Variants in DCBLD2 observed in about 807,000 individuals in gnomAD.
DCBLD2 encodes discoidin, CUB and LCCL domain containing 2, also known as discoidin, CUB and LCCL domain-containing protein 2.
DCBLD2 carries 54 observed loss-of-function variants against 86.8 expected under a neutral mutation model. The observed-to-expected ratio is 0.62, with a 90% confidence interval of 0.50 to 0.78. DCBLD2 has a LOEUF of 0.78. DCBLD2 is among the 30% of genes least tolerant of loss of function. The pLI is 0.00. For missense variants in DCBLD2, 908 were observed against 954.2 expected (o/e 0.95, Z 0.64); for synonymous variants, 354 against 341.3 (o/e 1.04, Z -0.41).
chr3:98,860,064 C>T (rs969696593), intron 2 of DCBLD2, among the ~76,000 whole-genome samples: 9 of 152,160 alleles, frequency 5.9e-5, no homozygotes, highest in Non-Finnish European at 8.8e-5. Context: ...GGCATGAGAA[C>T]TACGTGACGA....
intron 14 of DCBLD2, 137 bp from the exon 15 acceptor site, chr3:98,800,853 C>CTTTTTT (rs11374885): frequency 3.6e-6 from 3 of 842,932 alleles, no homozygotes; most frequent in Non-Finnish European, 3.5e-6. Context: ...TATAATCCAA[C>CTTTTTT]TTTTTTTTTT....
intron 3 of DCBLD2, among the ~76,000 whole-genome samples, chr3:98,836,931 C>T (rs1942473401): frequency 1.4e-5 from 1 of 70,590 alleles, no homozygotes; most frequent in Non-Finnish European, 2.9e-5. Context: ...CTGACCCCCC[C>T]ACCTCCCTCC....
At chr3:98,859,641 C>T (rs971798708) in intron 2 of DCBLD2, among the ~76,000 whole-genome samples, 20 of 152,154 alleles carry the variant, frequency 1.3e-4, no homozygotes. Flanking sequence ...CCAGAAAACT[C>T]CAACAGACCT....
intron 3 of DCBLD2, among the ~76,000 whole-genome samples, chr3:98,834,712 G>C (rs1305936532): frequency 1.3e-5 from 2 of 151,704 alleles, no homozygotes; most frequent in Non-Finnish European, 2.9e-5. Context: ...TGGATACTTA[G>C]ATTGATTCTA....
At chr3:98,800,517 T>TA in intron 15 of DCBLD2, 62 bp downstream of exon 15, 1 of 1,525,264 alleles carries the variant, frequency 6.6e-7, no homozygotes, top group Non-Finnish European at 8.8e-7. Flanking sequence ...CCCAAAGCAC[T>TA]TTATAGCAAG....
At chr3:98,848,225 G>T (rs1247823880) in intron 3 of DCBLD2, among the ~76,000 whole-genome samples, 3 of 152,000 alleles carry the variant, frequency 2.0e-5, no homozygotes, top group African/African-American at 7.2e-5. Context: ...TGCAGTATTT[G>T]GTTTTCTGTT....
chr3:98,825,643 TTATATATATATATATATATATATA>T (rs56736194), intron 3 of DCBLD2, among the ~76,000 whole-genome samples: 4 of 115,100 alleles, frequency 3.5e-5, no homozygotes, highest in African/African-American at 8.8e-5. Context: ...ATATGTGTAT[TTATATATATATATATATATATATA>T]TATATATATA....
chr3:98,856,294 G>A lies in DCBLD2; in HGVS notation c.434-6696C>T, dbSNP rs1942930227. Among the ~76,000 whole-genome samples, 3 of 151,840 alleles carry A rather than the reference G, an allele frequency of 2.0e-5. No homozygotes were observed. In the South Asian group the frequency reaches 6.2e-4, roughly 32 times the overall value. On this transcript the variant is annotated intron_variant, in intron 2 of 15. Coordinates refer to ENST00000326840, the MANE Select transcript of DCBLD2 (RefSeq NM_080927.4). ...CAATAATCTGCCTCAAAACCTCAGA[G>A]GAAACATTTAGGATACTGAAAGAAC... is the stretch of plus-strand genomic sequence containing the variant.
rs758311707 is a variant in DCBLD2, at chr3:98,811,420, A to C, written c.1450+48T>G. On this transcript the variant is annotated intron_variant, in intron 11 of 15. Coordinates refer to ENST00000326840, the MANE Select transcript of DCBLD2 (RefSeq NM_080927.4). ...TTTTAATATATTTTTGGAAAGTTGCACCATAAATCCAAGGAATATCAAATT... is the reference window on the plus strand; with the variant it reads ...TTTTAATATATTTTTGGAAAGTTGCCCCATAAATCCAAGGAATATCAAATT... 1.9e-6 allele frequency: 3 copies of C among 1,612,482 alleles called. No individual in the cohort carries two copies. In the East Asian group the frequency reaches 6.7e-5, roughly 36 times the overall value.
At chr3:98,887,674 T>C (rs2107527683) in intron 1 of DCBLD2, among the ~76,000 whole-genome samples, 1 of 152,122 alleles carries the variant, frequency 6.6e-6, no homozygotes, top group African/African-American at 2.4e-5. Flanking sequence ...TTAAAATATA[T>C]TTCACTTTTT....
At chr3:98,847,437 A>G (rs936370510) in intron 3 of DCBLD2, among the ~76,000 whole-genome samples, 1 of 152,204 alleles carries the variant, frequency 6.6e-6, no homozygotes, top group East Asian at 1.9e-4. Context: ...CTATTATTTC[A>G]TCCAAATGAA....
At chr3:98,838,030 C>T (rs1942510348) in intron 3 of DCBLD2, among the ~76,000 whole-genome samples, 3 of 117,964 alleles carry the variant, frequency 2.5e-5, no homozygotes, top group Admixed American at 1.6e-4. Context: ...GACGGGGCGG[C>T]TGGCCGGGCG....
intron 3 of DCBLD2, among the ~76,000 whole-genome samples, chr3:98,834,879 G>A (rs189608066): frequency 1.3e-5 from 2 of 152,084 alleles, no homozygotes; most frequent in East Asian, 1.9e-4. Flanking sequence ...ACCCAAAGCT[G>A]CCTGTCATAA....
At chr3:98,845,921 A>T (rs1376738799) in intron 3 of DCBLD2, among the ~76,000 whole-genome samples, 1 of 152,186 alleles carries the variant, frequency 6.6e-6, no homozygotes, top group Non-Finnish European at 1.5e-5. Context: ...TCTGCTTTTT[A>T]TCAATCTTCC....
chr3:98,844,300 C>T (rs145643728), intron 3 of DCBLD2, among the ~76,000 whole-genome samples: 250 of 151,330 alleles, frequency 1.7e-3, no homozygotes, highest in Admixed American at 6.5e-3. Flanking sequence ...CAATGACAAC[C>T]ACTGTTTTTA....
intron 3 of DCBLD2, among the ~76,000 whole-genome samples, chr3:98,837,334 G>T (rs1474402857): frequency 8.8e-4 from 5 of 5,656 alleles, no homozygotes; most frequent in Non-Finnish European, 2.1e-3. Context: ...GCGGCTGGCC[G>T]GGCAGAGGGG....
At chr3:98,836,559 T>C in intron 3 of DCBLD2, among the ~76,000 whole-genome samples, 1 of 151,482 alleles carries the variant, frequency 6.6e-6, no homozygotes, top group Non-Finnish European at 1.5e-5. Context: ...GCCTTTCTAT[T>C]CCACAAAGCC....
chr3:98,817,339 T>A (rs903115755), intron 9 of DCBLD2, among the ~76,000 whole-genome samples: 24 of 152,214 alleles, frequency 1.6e-4, no homozygotes, highest in African/African-American at 5.8e-4. Context: ...TGAATTTTCA[T>A]CTCTAATATC....
In DCBLD2 at chr3:98,844,343, T is replaced by TTTATTATTATTATTATTATTATTA. The variant is rs10530611; in HGVS notation, c.571+5094_571+5117dup. On this transcript the variant is annotated intron_variant, in intron 3 of 15. Coordinates refer to ENST00000326840, the MANE Select transcript of DCBLD2 (RefSeq NM_080927.4). Reference sequence around the variant, plus strand: ...TTTTCAGAATAAAATGTCAGTAGCATTTATTATTATTATTATTATTATTAT... The same window carrying TTTATTATTATTATTATTATTATTA: ...TTTTCAGAATAAAATGTCAGTAGCATTTATTATTATTATTATTATTATTATTATTATTATTATTATTATTATTAT... Among the ~76,000 whole-genome samples, 141 of 145,914 alleles carry TTTATTATTATTATTATTATTATTA rather than the reference T, an allele frequency of 9.7e-4. 1 individual carries two copies. The highest frequency in any genetic ancestry group is 2.5e-3 in the African/African-American group (100 of 39,754).
Sources: gnomAD v4.1 joint callset for allele counts (sites outside exome capture counted in the v4.1 genomes callset) on GRCh38, gnomAD v4.1.1 for gene constraint, MANE v1.5 for transcripts, NCBI Gene and HGNC (gene_info 2026-07-23, HGNC 2026-07-21) for gene names.